Variants in DST observed in about 807,000 individuals in gnomAD.
The protein encoded by DST is bullous pemphigoid antigen.
A neutral mutation model predicts 875.2 loss-of-function variants in DST; 253 were observed. That is an observed-to-expected ratio of 0.29 (90% confidence interval 0.26 to 0.32). DST has a LOEUF of 0.32. Ranked by LOEUF, DST falls within the 10% of genes least tolerant of loss-of-function variation. The pLI is 1.00. For synonymous variants in DST, 3,124 were observed against 3,197.1 expected, an observed-to-expected ratio of 0.98 and a Z score of 0.77; for missense variants, 8,287 against 9,111.6, an observed-to-expected ratio of 0.91 and a Z score of 3.68.
intron 5 of DST, 163 bp downstream of exon 5, chr6:56,735,065 C>A: frequency 1.6e-6 from 1 of 615,860 alleles, no homozygotes; most frequent in Non-Finnish European, 2.9e-6. Flanking sequence ...ACCGTCCACA[C>A]ACCAAATAAT....
At chr6:56,850,409 C>CAAA (rs70989736) in intron 4 of DST, among the ~76,000 whole-genome samples, 73 of 77,268 alleles carry the variant, frequency 9.4e-4, no homozygotes, top group African/African-American at 2.9e-3. Context: ...GTATAGGAGG[C>CAAA]AAAAAAAAAA....
intron 4 of DST, among the ~76,000 whole-genome samples, chr6:56,771,395 G>C (rs201528848): frequency 1.3e-5 from 2 of 152,170 alleles, no homozygotes; most frequent in East Asian, 3.9e-4. Flanking sequence ...TTCTGGATCT[G>C]TCTGTGATAT....
chr6:56,589,751 G>A (rs1212441307), intron 49 of DST, among the ~76,000 whole-genome samples: 1 of 152,196 alleles, frequency 6.6e-6, no homozygotes, highest in Non-Finnish European at 1.5e-5. Context: ...CTTGAGGAGT[G>A]TTATTATGGC....
In DST at chr6:56,607,660, G is replaced by T; in HGVS notation, c.6968C>A (p.Ala2323Glu). ...TTTAGGATCAATTGATATTGTACTT[G>T]CCAGTTTTCCTGACTGAGAAAATTC... is the stretch of plus-strand genomic sequence containing the variant. Reference protein sequence around the residue: ...NSEFSQSGKLASTISIDPKVN... With the variant: ...NSEFSQSGKLESTISIDPKVN... Residue 2323 changes from alanine to glutamate, a missense_variant, in exon 40 of 104, where the codon GCA becomes GAA. Physicochemically the swap from Ala to Glu is moderately radical, Grantham distance 107. Coordinates refer to ENST00000680361, the MANE Select transcript of DST (RefSeq NM_001374736.1). 6.2e-7 allele frequency: 1 copy of T among 1,613,422 alleles called. No individual in the cohort carries two copies. Among genetic ancestry groups the T allele is most frequent in the South Asian group, 1.1e-5 (1 of 91,080 alleles).
chr6:56,551,803 G>A (rs1019657188), intron 61 of DST, among the ~76,000 whole-genome samples: 1 of 152,170 alleles, frequency 6.6e-6, no homozygotes, highest in Non-Finnish European at 1.5e-5. Flanking sequence ...CAGAAAAGAC[G>A]GTAATTCACC....
intron 47 of DST, among the ~76,000 whole-genome samples, chr6:56,594,428 T>TTA (rs2098336814): frequency 6.6e-6 from 1 of 152,206 alleles, no homozygotes; most frequent in African/African-American, 2.4e-5. Flanking sequence ...CTCTATGTAC[T>TTA]TAATCAGATA....
rs1489342153 is a variant in DST, at chr6:56,608,575, C to T, written c.6053G>A (p.Arg2018Lys). Residue 2018 changes from arginine (R) to lysine (K), a missense_variant, in exon 40 of 104, where the codon AGG becomes AAG. This residue lies in a region of DST where 3,138 missense variants were observed against 3,116.6 expected (regional missense o/e 1.01). Transcript: ENST00000680361. ...TGTGAGGATACTGCTAGCAGTGTCC[C>T]TGTCAATCACCCCTTCTCTGACAGC... ...EEAVREGVID[R>K]DTASSILTYQ... 6.2e-7 allele frequency: 1 copy of T among 1,613,418 alleles called. No homozygotes were observed. Among genetic ancestry groups the T allele is most frequent in the Admixed American group, 1.7e-5 (1 of 59,886 alleles).
chr6:56,922,077 C>G (rs1249612048), intron 2 of DST, among the ~76,000 whole-genome samples: 1 of 151,908 alleles, frequency 6.6e-6, no homozygotes, highest in Non-Finnish European at 1.5e-5. Flanking sequence ...TATATAAGTT[C>G]CTATTCCCAT....
chr6:56,712,819 CA>C (rs2099380144), intron 5 of DST, among the ~76,000 whole-genome samples: 1 of 152,070 alleles, frequency 6.6e-6, no homozygotes, highest in African/African-American at 2.4e-5. Flanking sequence ...AAATTTATAT[CA>C]TGATCAAAAT....
At chr6:56,811,079 G>A (rs559790674) in intron 4 of DST, among the ~76,000 whole-genome samples, 1 of 151,458 alleles carries the variant, frequency 6.6e-6, no homozygotes, top group African/African-American at 2.4e-5. Context: ...AGCTACTTGG[G>A]AGGCTGAGGT....
chr6:56,477,335 A>G lies in DST; in HGVS notation c.21675+10T>C. On this transcript the variant is annotated intron_variant, in intron 91 of 103. Coordinates refer to ENST00000680361, the MANE Select transcript of DST (RefSeq NM_001374736.1). ...ATTGCTACTCTGAAGATTATCTGAG[A>G]CACACTGACCTCCTCAAACCTCGCC... 6.2e-7 allele frequency: 1 copy of G among 1,612,630 alleles called. No homozygotes were observed. Among genetic ancestry groups the G allele is most frequent in the Non-Finnish European group, 8.5e-7 (1 of 1,179,186 alleles).
chr6:56,493,564 T>C (rs1001068664), intron 83 of DST, among the ~76,000 whole-genome samples: 2 of 152,098 alleles, frequency 1.3e-5, no homozygotes, highest in African/African-American at 2.4e-5. Flanking sequence ...CAAAGACATA[T>C]TCATAATTTA....
chr6:56,552,320 A>C lies in DST; in HGVS notation c.16472T>G (p.Ile5491Ser). The C allele has an allele frequency of 6.2e-7, 1 of 1,613,920 alleles. No homozygotes were observed. Among genetic ancestry groups the C allele is most frequent in the Non-Finnish European group, 8.5e-7 (1 of 1,179,866 alleles). Reference protein sequence around the residue: ...QAREEQVEGTIKRLEEFYSKL... With the variant: ...QAREEQVEGTSKRLEEFYSKL... ...GCTGTAAAATTCTTCAAGGCGCTTA[A>C]TTGTCCCTTCAACCTGCTCTTCTCT... The change falls in exon 61 of 104, where the codon ATT (isoleucine) becomes AGT (serine). Residue 5491 changes from isoleucine (I) to serine (S), a missense_variant. Physicochemically the swap from Ile to Ser is moderately radical, Grantham distance 142. Around this residue, in one of 10 missense-constraint regions of DST, gnomAD observed 777 missense variants for 764.8 expected, o/e 1.02. Coordinates refer to ENST00000680361, the MANE Select transcript of DST (RefSeq NM_001374736.1).
chr6:56,619,345 C>T (rs992513075), intron 36 of DST: 1 of 1,613,516 alleles, frequency 6.2e-7, no homozygotes, highest in African/African-American at 1.3e-5. Flanking sequence ...CATTACTTTT[C>T]TCCAATTCTT....
intron 5 of DST, among the ~76,000 whole-genome samples, chr6:56,732,531 A>G (rs943038589): frequency 6.6e-6 from 1 of 152,216 alleles, no homozygotes; most frequent in African/African-American, 2.4e-5. Context: ...TGTATCGAAG[A>G]GCAAAAAAAT....
At position 56,675,687 on chromosome 6, in the gene DST, A is replaced by T. The variant is rs566525227; in HGVS notation, c.1048-4880T>A. Reference sequence around the variant, plus strand: ...GCCAACATGGTGAAACCCCATCTCTACTAAAATACAAAACATTAGCTGGGC... The same window carrying T: ...GCCAACATGGTGAAACCCCATCTCTTCTAAAATACAAAACATTAGCTGGGC... On this transcript the variant is annotated intron_variant, in intron 9 of 103. Transcript: ENST00000680361. Among the ~76,000 whole-genome samples, 5 of 152,126 alleles carry T rather than the reference A, an allele frequency of 3.3e-5. No individual in the cohort carries two copies. The South Asian group carries it at 1.0e-3, about 32-fold the overall frequency.
chr6:56,673,273 A>G (rs985482289), intron 9 of DST, among the ~76,000 whole-genome samples: 5 of 152,112 alleles, frequency 3.3e-5, no homozygotes, highest in Non-Finnish European at 7.4e-5. Context: ...AAAACAAAAC[A>G]AAAAAAGAAA....
chr6:56,629,683 CA>C (rs371747334), intron 31 of DST, among the ~76,000 whole-genome samples: 57 of 152,072 alleles, frequency 3.7e-4, no homozygotes, highest in Admixed American at 2.0e-3. Context: ...TGCATATCAA[CA>C]AAATAAAATA....
At chr6:56,620,676 A>G (rs1404278882) in intron 36 of DST, 1 of 1,614,142 alleles carries the variant, frequency 6.2e-7, no homozygotes, top group Non-Finnish European at 8.5e-7. Flanking sequence ...AGCAGATCTG[A>G]ATATGCCCCA....
Sources: gnomAD v4.1 joint callset for allele counts (sites outside exome capture counted in the v4.1 genomes callset) on GRCh38, gnomAD v4.1.1 for gene constraint, gnomAD v4.1.1 regional missense constraint, MANE v1.5 for transcripts, NCBI Gene and HGNC (gene_info 2026-07-23, HGNC 2026-07-21) for gene names.